The following EFTUD2 variants were observed in gnomAD, a reference collection of about 807,000 sequenced individuals.
EFTUD2 encodes elongation factor Tu GTP binding domain containing 2, also known as 116 kDa U5 small nuclear ribonucleoprotein component.
EFTUD2 carries 9 observed loss-of-function variants against 114.3 expected under a neutral mutation model. The ratio of observed to expected loss-of-function variants is 0.08; its 90% CI spans 0.05 to 0.14. EFTUD2 has a LOEUF of 0.14. EFTUD2 is among the 10% of genes least tolerant of loss of function. The probability of loss-of-function intolerance (pLI) is 1.00; values close to 1 mark genes in which losing one functional copy is unlikely to be tolerated. For synonymous variants in EFTUD2, 449 were observed against 462.3 expected, an observed-to-expected ratio of 0.97 and a Z score of 0.37; for missense variants, 765 against 1,241.2, an observed-to-expected ratio of 0.62 and a Z score of 5.76.
rs1381528608 is a variant in EFTUD2, at chr17:44,851,282, G to T, written c.2911C>A (p.Pro971Thr). The T allele has an allele frequency of 1.2e-6, 2 of 1,614,008 alleles. No homozygotes were observed. Among genetic ancestry groups the T allele is most frequent in the East Asian group, 4.5e-5 (2 of 44,878 alleles). ...CCCAGGAGTCCACGCACTCACATGG[G>T]GTAATTGAGCACAACATCCTGTTTG... ...LAKQDVVLNY[P>T]M Residue 971 changes from proline (P) to threonine (T), a missense_variant, in exon 28 of 28, where the codon CCC becomes ACC. Pro to Thr is a conservative substitution (Grantham distance 38, BLOSUM62 -1). Coordinates refer to ENST00000426333, the MANE Select transcript of EFTUD2 (RefSeq NM_004247.4).
In EFTUD2 at chr17:44,850,556, G is replaced by A. The variant is rs1011462028; in HGVS notation, c.*718C>T. On this transcript the variant is annotated 3_prime_UTR_variant, in exon 28 of 28. Transcript: ENST00000426333. Reference sequence around the variant, plus strand: ...GGGAGAGGACTTGGAGTAAATGGCTGGAAATCAAAGTGCTCTGGCCCCCTA... The same window carrying A: ...GGGAGAGGACTTGGAGTAAATGGCTAGAAATCAAAGTGCTCTGGCCCCCTA... 3 of 564,568 alleles carry A rather than the reference G, an allele frequency of 5.3e-6. No individual in the cohort carries two copies. The highest frequency in any genetic ancestry group is 3.7e-5 in the African/African-American group (2 of 53,478). The allele number at this position is 564,568 out of a possible 1,614,324, so 35.0% of individuals were successfully genotyped here.
At chr17:44,857,483 A>G (rs535015267) in intron 19 of EFTUD2, 43 of 312,480 alleles carry the variant, frequency 1.4e-4, no homozygotes, top group South Asian at 1.3e-3. Context: ...AACAACCCCC[A>G]TGGGTCTGAC....
chr17:44,872,735 AT>A, intron 10 of EFTUD2, 165 bp from the exon 11 acceptor site: 1 of 692,670 alleles, frequency 1.4e-6, no homozygotes, highest in Non-Finnish European at 2.2e-6. Context: ...AAGTGACATG[AT>A]GGAGCTGTTC....
intron 15 of EFTUD2, 200 bp from the exon 16 acceptor site, chr17:44,863,106 C>A (rs200002124): frequency 6.9e-6 from 2 of 288,444 alleles, no homozygotes; most frequent in Non-Finnish European, 1.2e-5. Flanking sequence ...AAATATTCTC[C>A]TCTTTTTTTT....
intron 11 of EFTUD2, among the ~76,000 whole-genome samples, chr17:44,869,857 T>G (rs2050814552): frequency 6.6e-6 from 1 of 152,216 alleles, no homozygotes. Context: ...CACCTCACAT[T>G]GCCATTCATC....
chr17:44,867,943 A>T, intron 12 of EFTUD2, 46 bp from the exon 13 acceptor site: 1 of 1,509,350 alleles, frequency 6.6e-7, no homozygotes, highest in Non-Finnish European at 9.0e-7. Flanking sequence ...AAAAGGCACT[A>T]TCACTGATCC....
In EFTUD2 at chr17:44,859,181, C is replaced by T; in HGVS notation, c.1861G>A (p.Val621Met). 6.2e-7 allele frequency: 1 copy of T among 1,610,168 alleles called. No individual in the cohort carries two copies. The change falls in exon 19 of 28, where the codon GTG becomes ATG. Residue 621 changes from valine to methionine, a missense_variant and splice_region_variant. Val to Met is a conservative substitution (Grantham distance 21, BLOSUM62 1). Transcript: ENST00000426333. ...ATCACATGCTCGCCAGACTCCTCCACCTGAAACACAACAGGCAGTCACAGC... is the reference window on the plus strand; with the variant it reads ...ATCACATGCTCGCCAGACTCCTCCATCTGAAACACAACAGGCAGTCACAGC... ...NKSYPSLTTKVEESGEHVILG... is the reference protein window; with the variant it reads ...NKSYPSLTTKMEESGEHVILG...
At chr17:44,898,298 A>G (rs921127913) in intron 1 of EFTUD2, among the ~76,000 whole-genome samples, 1 of 151,918 alleles carries the variant, frequency 6.6e-6, no homozygotes, top group Non-Finnish European at 1.5e-5. Flanking sequence ...GTTCACTGCA[A>G]CCTCCGCCTC....
chr17:44,882,510 C>T (rs2051090619), intron 6 of EFTUD2, among the ~76,000 whole-genome samples: 1 of 152,184 alleles, frequency 6.6e-6, no homozygotes, highest in Non-Finnish European at 1.5e-5. Context: ...CCTGTCCTGG[C>T]CTCCCAAAGT....
At chr17:44,860,411 T>C in intron 17 of EFTUD2, 21 bp downstream of exon 17, 1 of 1,571,994 alleles carries the variant, frequency 6.4e-7, no homozygotes, top group Non-Finnish European at 8.8e-7. Context: ...CCAACCCAGT[T>C]GGTCTCTTCA....
chr17:44,890,765 A>T (rs1031672286), intron 2 of EFTUD2, among the ~76,000 whole-genome samples: 3 of 152,226 alleles, frequency 2.0e-5, no homozygotes, highest in African/African-American at 7.2e-5. Flanking sequence ...TGCTGGAAAG[A>T]GGGTAGACCA....
chr17:44,890,013 T>A (rs2145568434), intron 2 of EFTUD2, among the ~76,000 whole-genome samples: 1 of 152,312 alleles, frequency 6.6e-6, no homozygotes, highest in East Asian at 1.9e-4. Flanking sequence ...TTTTAATTTT[T>A]TTATTTTTTT....
rs1431695261 is a variant in EFTUD2 at position 44,864,888 on chromosome 17, C to T, written c.1285+42G>A. 1.9e-6 allele frequency: 3 copies of T among 1,598,140 alleles called. No homozygotes were observed. In the African/African-American group the frequency reaches 4.0e-5, roughly 21 times the overall value. On this transcript the variant is annotated intron_variant, in intron 14 of 27. Transcript: ENST00000426333. ...AATTGCTGTGATACCTGTGGCAGGG[C>T]ACGAGGATGACAGAGTTAAGGGGCC...
intron 9 of EFTUD2, 110 bp downstream of exon 9, chr17:44,879,444 CAG>C (rs2051030524): frequency 5.6e-6 from 6 of 1,068,144 alleles, no homozygotes; most frequent in Middle Eastern, 2.3e-4. Context: ...GCCTTAATCC[CAG>C]AGAGTTTCAA....
chr17:44,855,050 A>T lies in EFTUD2; in HGVS notation c.2046-46T>A, dbSNP rs2050523426. The T allele has an allele frequency of 2.6e-6, 4 of 1,520,368 alleles. No homozygotes were observed. The East Asian group carries it at 9.0e-5, about 34-fold the overall frequency. 94.2% of individuals were successfully genotyped at this position (1,520,368 alleles called of 1,614,324 possible). A position where few individuals can be genotyped will look rare whatever the true frequency, so the allele number is the denominator to read the frequency against. On this transcript the variant is annotated intron_variant, in intron 20 of 27. Coordinates refer to ENST00000426333, the MANE Select transcript of EFTUD2 (RefSeq NM_004247.4). ...TGGTAAGGACGGCTAACAGAACAGC[A>T]GAAGAGGCATTACTAAGAAAAGGGT...
chr17:44,854,459 AGAGG>A lies in EFTUD2; in HGVS notation c.2259+93_2259+96del, dbSNP rs900025005. The A allele has an allele frequency of 2.6e-6, 4 of 1,564,636 alleles. No homozygotes were observed. Among genetic ancestry groups the A allele is most frequent in the Non-Finnish European group, 8.7e-7 (1 of 1,146,564 alleles). ...CTGTAAGGGGATACTGTCCTTCACCAGAGGACACAAGATACTTTTGGGAAAAGAA... is the reference window on the plus strand; with the variant it reads ...CTGTAAGGGGATACTGTCCTTCACCAACACAAGATACTTTTGGGAAAAGAA... On this transcript the variant is annotated intron_variant, in intron 22 of 27. Coordinates refer to ENST00000426333, the MANE Select transcript of EFTUD2 (RefSeq NM_004247.4). The surrounding 1 kb of genome is among the most constrained non-coding windows in gnomAD (Gnocchi z 4.3).
At chr17:44,882,106 G>A (rs574671906) in intron 6 of EFTUD2, among the ~76,000 whole-genome samples, 1 of 151,932 alleles carries the variant, frequency 6.6e-6, no homozygotes, top group Non-Finnish European at 1.5e-5. Context: ...AGCTAATTTT[G>A]TATTTTCGGT....
At position 44,875,839 on chromosome 17, in the gene EFTUD2, A is replaced by G; in HGVS notation, c.869+95T>C. 2.7e-6 allele frequency: 4 copies of G among 1,491,602 alleles called. No individual in the cohort carries two copies. In the East Asian group the frequency reaches 6.8e-5, roughly 26 times the overall value. 92.4% of individuals were successfully genotyped at this position (1,491,602 alleles called of 1,614,324 possible). On this transcript the variant is annotated intron_variant, in intron 10 of 27. Coordinates refer to ENST00000426333, the MANE Select transcript of EFTUD2 (RefSeq NM_004247.4). ...TTTTGCCCAACAAACTCATCAACACACGCTTAGAAATAAATCACAGTTGTT... is the reference window on the plus strand; with the variant it reads ...TTTTGCCCAACAAACTCATCAACACGCGCTTAGAAATAAATCACAGTTGTT...
intron 2 of EFTUD2, among the ~76,000 whole-genome samples, chr17:44,892,518 G>A (rs1293221151): frequency 1.3e-5 from 2 of 152,018 alleles, no homozygotes; most frequent in Non-Finnish European, 2.9e-5. Context: ...GAGGTTAACT[G>A]GGGAAGAAGA....
Sources: gnomAD v4.1 joint callset for allele counts (sites outside exome capture counted in the v4.1 genomes callset) on GRCh38, gnomAD v4.1.1 for gene constraint, Gnocchi (gnomAD v3.1) non-coding constraint, MANE v1.5 for transcripts, NCBI Gene and HGNC (gene_info 2026-07-23, HGNC 2026-07-21) for gene names.